Variants in GARIN2 observed in about 807,000 individuals in gnomAD.
GARIN2 encodes Golgi-associated RAB2 interactor protein 2.
At chr14:67,225,926 A>AGAGTGTGTGTGTGTGTGT in the GARIN2 span, among the ~76,000 whole-genome samples, 2 of 136,630 alleles carry the variant, frequency 1.5e-5, no homozygotes, top group African/African-American at 2.7e-5. Flanking sequence ...TAATGCTGTG[A>AGAGTGTGTGTGTGTGTGT]GTGTGTGTGT....
the GARIN2 span, among the ~76,000 whole-genome samples, chr14:67,190,464 C>T: frequency 1.3e-5 from 2 of 152,150 alleles, no homozygotes; most frequent in African/African-American, 4.8e-5. Context: ...CTCAAGAGAT[C>T]CACCTGCCTT....
At chr14:67,205,078 C>T in the GARIN2 span, 1 of 1,549,964 alleles carries the variant, frequency 6.5e-7, no homozygotes, top group African/African-American at 1.4e-5. Flanking sequence ...CAGGGCCAAG[C>T]AAGAGGAGAA....
chr14:67,203,127 A>G, the GARIN2 span: 1 of 1,613,698 alleles, frequency 6.2e-7, no homozygotes. Flanking sequence ...TTACCTTCAT[A>G]ACCGAGCCAA....
chr14:67,202,774 C>G, the GARIN2 span, among the ~76,000 whole-genome samples: 1 of 152,174 alleles, frequency 6.6e-6, no homozygotes, highest in Non-Finnish European at 1.5e-5. Context: ...GCCTGTCTCC[C>G]CACTCTAAGC....
At chr14:67,226,218 A>C in the GARIN2 span, among the ~76,000 whole-genome samples, 1 of 151,820 alleles carries the variant, frequency 6.6e-6, no homozygotes, top group Non-Finnish European at 1.5e-5. Context: ...TTGAGACTGA[A>C]TCTTGCTCTG....
chr14:67,202,149 T>C, the GARIN2 span, among the ~76,000 whole-genome samples: 83 of 152,246 alleles, frequency 5.5e-4, no homozygotes, highest in Non-Finnish European at 9.4e-4. Flanking sequence ...TTATTAAAAA[T>C]TAAATTATAG....
At chr14:67,225,358 TA>T in the GARIN2 span, 21 of 770,258 alleles carry the variant, frequency 2.7e-5, no homozygotes, top group Non-Finnish European at 3.6e-5. Flanking sequence ...CTTTTAACAT[TA>T]AATCTTATTC....
chr14:67,198,133 C>G, the GARIN2 span: 1 of 1,593,530 alleles, frequency 6.3e-7, no homozygotes, highest in Non-Finnish European at 8.6e-7. Flanking sequence ...TCCATTCCCT[C>G]AGTTTTTTTA....
the GARIN2 span, chr14:67,199,738 A>G: frequency 6.4e-7 from 1 of 1,568,434 alleles, no homozygotes; most frequent in Non-Finnish European, 8.7e-7. Flanking sequence ...CTGTGGTATC[A>G]TCATTGGGGT....
the GARIN2 span, among the ~76,000 whole-genome samples, chr14:67,214,405 C>G: frequency 1.6e-4 from 24 of 152,314 alleles, no homozygotes; most frequent in African/African-American, 5.5e-4. Context: ...TTTCCCAGCA[C>G]CGTTTATTAA....
chr14:67,191,503 C>A, the GARIN2 span, among the ~76,000 whole-genome samples: 23 of 152,202 alleles, frequency 1.5e-4, no homozygotes, highest in Non-Finnish European at 2.9e-5. Flanking sequence ...CAGATTCCCA[C>A]TCTCTCCCCT....
At chr14:67,218,794 G>A in the GARIN2 span, among the ~76,000 whole-genome samples, 2 of 151,906 alleles carry the variant, frequency 1.3e-5, no homozygotes, top group Non-Finnish European at 1.5e-5. Flanking sequence ...CTCATTTGAG[G>A]GTGTGTATGC....
chr14:67,212,954 A>C, the GARIN2 span, among the ~76,000 whole-genome samples: 1 of 151,730 alleles, frequency 6.6e-6, no homozygotes, highest in African/African-American at 2.4e-5. Flanking sequence ...TAACTATCTA[A>C]GGTTTCTATA....
At chr14:67,216,748 T>C in the GARIN2 span, among the ~76,000 whole-genome samples, 1 of 152,176 alleles carries the variant, frequency 6.6e-6, no homozygotes, top group Non-Finnish European at 1.5e-5. Context: ...TTTTATTCCA[T>C]TGTGGTCAGA....
the GARIN2 span, among the ~76,000 whole-genome samples, chr14:67,189,997 C>G: frequency 6.7e-6 from 1 of 149,592 alleles, no homozygotes. Context: ...TGTGCCATCA[C>G]GCCCAGCTAA....
chr14:67,227,689 A>T, the GARIN2 span: 27 of 152,130 alleles, frequency 1.8e-4, no homozygotes, highest in African/African-American at 6.5e-4. Flanking sequence ...AAATCTTAGG[A>T]CTCAGTACAG....
the GARIN2 span, chr14:67,222,169 C>T: frequency 4.5e-6 from 1 of 224,474 alleles, no homozygotes; most frequent in South Asian, 1.5e-4. Flanking sequence ...GCCATCCTTG[C>T]TGATATATAA....
At chr14:67,191,973 A>G in the GARIN2 span, among the ~76,000 whole-genome samples, 1 of 152,344 alleles carries the variant, frequency 6.6e-6, no homozygotes, top group Non-Finnish European at 1.5e-5. Context: ...TTGAAAAACA[A>G]GAGAAAGGAT....
chr14:67,199,545 T>C, the GARIN2 span: 2 of 1,607,832 alleles, frequency 1.2e-6, no homozygotes, highest in African/African-American at 1.3e-5. Context: ...ATTGAAGCCA[T>C]GAATGGGCAG....
Sources: allele counts gnomAD v4.1 joint callset (sites outside exome capture counted in the v4.1 genomes callset), GRCh38; gene constraint gnomAD v4.1.1; transcripts MANE v1.5; gene names NCBI Gene and HGNC (gene_info 2026-07-23, HGNC 2026-07-21).